Variants in LINGO1 observed in about 807,000 individuals in gnomAD.
LINGO1 encodes leucine-rich repeat and immunoglobulin-like domain-containing nogo receptor-interacting protein 1.
A neutral mutation model predicts 37.3 loss-of-function variants in LINGO1; 11 were observed. The ratio of observed to expected loss-of-function variants is 0.29; its 90% confidence interval spans 0.19 to 0.49. The LOEUF (loss-of-function observed/expected upper bound fraction) is 0.49. Among genes scored for constraint, LINGO1 ranks in the 20% least tolerant of loss-of-function variants. The pLI is 0.99. For synonymous variants in LINGO1, 387 were observed against 403.0 expected (o/e 0.96, Z 0.48); for missense variants, 585 against 878.2 (o/e 0.67, Z 4.22).
At chr15:77,817,343 C>T (rs1279430170) in intron 1 of LINGO1, among the ~76,000 whole-genome samples, 1 of 152,188 alleles carries the variant, frequency 6.6e-6, no homozygotes, top group Non-Finnish European at 1.5e-5. Context: ...TTTAGATCTC[C>T]ACGGGGCATC....
rs563717469 is a variant in LINGO1 at position 77,722,881 on chromosome 15, C to T, written c.-195+12111G>A. Among the ~76,000 whole-genome samples the T allele has an allele frequency of 4.8e-4, 73 of 152,146 alleles. 1 individual carries two copies. The highest frequency in any genetic ancestry group is 4.4e-4 in the Non-Finnish European group (30 of 68,034). ...CAGGGGTGCACTCTCCAGCCCCTCA[C>T]GCAGTAACCCGGGGAGGGCAGCAGC... On this transcript the variant is annotated intron_variant, in intron 2 of 3. Transcript: ENST00000561686.
intron 2 of LINGO1, among the ~76,000 whole-genome samples, chr15:77,713,951 A>G (rs941469457): frequency 3.3e-5 from 5 of 151,956 alleles, no homozygotes; most frequent in African/African-American, 7.3e-5. Context: ...TCCACCACCC[A>G]CGTCGCTTCC....
chr15:77,747,990 C>T (rs536987110), intron 1 of LINGO1, among the ~76,000 whole-genome samples: 10 of 152,342 alleles, frequency 6.6e-5, no homozygotes, highest in Non-Finnish European at 1.3e-4. Context: ...CCAAAGGGCG[C>T]ACAGCTGGTG....
At chr15:77,798,611 G>A (rs1454687082) in intron 1 of LINGO1, among the ~76,000 whole-genome samples, 1 of 152,206 alleles carries the variant, frequency 6.6e-6, no homozygotes, top group East Asian at 1.9e-4. Context: ...AGTGGGAGCC[G>A]GGCACTCTCC....
At chr15:77,646,389 A>AGACCTGCCTCCCAG in intron 3 of LINGO1, 1 of 450,788 alleles carries the variant, frequency 2.2e-6, no homozygotes, top group Non-Finnish European at 4.5e-6. Flanking sequence ...TCCCCACAGG[A>AGACCTGCCTCCCAG]CACCCCTCTG....
intron 2 of LINGO1, among the ~76,000 whole-genome samples, chr15:77,714,984 C>G (rs978520748): frequency 6.6e-6 from 1 of 152,242 alleles, no homozygotes; most frequent in African/African-American, 2.4e-5. Flanking sequence ...TGTTTAAATA[C>G]TCTGGAAACC....
intron 1 of LINGO1, among the ~76,000 whole-genome samples, chr15:77,625,042 G>T (rs1038540550): frequency 2.0e-4 from 31 of 152,294 alleles, no homozygotes; most frequent in African/African-American, 6.5e-4. Context: ...CCTTCCTGGG[G>T]CCCCCAGGGG....
At chr15:77,804,115 T>G (rs546496808) in intron 1 of LINGO1, among the ~76,000 whole-genome samples, 24 of 152,208 alleles carry the variant, frequency 1.6e-4, no homozygotes, top group African/African-American at 5.5e-4. Flanking sequence ...GAGGGAGGAC[T>G]ACAGAGGTCT....
At chr15:77,725,862 C>T (rs180752499) in intron 2 of LINGO1, among the ~76,000 whole-genome samples, 1 of 152,336 alleles carries the variant, frequency 6.6e-6, no homozygotes, top group Non-Finnish European at 1.5e-5. Context: ...ATGGCTCCAG[C>T]ATAGCACGCC....
At chr15:77,646,024 T>C (rs866363153) in intron 3 of LINGO1, among the ~76,000 whole-genome samples, 2 of 152,260 alleles carry the variant, frequency 1.3e-5, no homozygotes, top group Middle Eastern at 3.4e-3. Context: ...GCAGGGATGG[T>C]GTCTGCCTCA....
chr15:77,676,638 C>T (rs1034684671), intron 3 of LINGO1, among the ~76,000 whole-genome samples: 1 of 152,146 alleles, frequency 6.6e-6, no homozygotes, highest in Non-Finnish European at 1.5e-5. Flanking sequence ...AGAATTAGCA[C>T]CATCAGGCAC....
At chr15:77,694,581 G>A (rs948309493) in intron 1 of LINGO1, among the ~76,000 whole-genome samples, 2 of 152,142 alleles carry the variant, frequency 1.3e-5, no homozygotes, top group African/African-American at 4.8e-5. Flanking sequence ...TTTGCCCTCT[G>A]CCCCAAAACT....
chr15:77,619,937 G>A (rs1346256566), intron 1 of LINGO1, among the ~76,000 whole-genome samples: 2 of 152,098 alleles, frequency 1.3e-5, no homozygotes, highest in African/African-American at 4.8e-5. Flanking sequence ...GGAAGCTGAA[G>A]GTTGAGAGAG....
chr15:77,618,124 G>A (rs1595984460), intron 1 of LINGO1, among the ~76,000 whole-genome samples: 1 of 152,230 alleles, frequency 6.6e-6, no homozygotes, highest in African/African-American at 2.4e-5. Flanking sequence ...GACCTCAATA[G>A]GTAAATAGGA....
intron 1 of LINGO1, among the ~76,000 whole-genome samples, chr15:77,626,763 C>T (rs566529669): frequency 3.9e-4 from 60 of 152,322 alleles, no homozygotes; most frequent in African/African-American, 9.9e-4. Context: ...AGACATTAGA[C>T]GGCTCAGGAC....
intron 1 of LINGO1, among the ~76,000 whole-genome samples, chr15:77,806,072 G>A (rs527268336): frequency 6.6e-5 from 10 of 152,226 alleles, no homozygotes; most frequent in East Asian, 3.9e-4. Flanking sequence ...AGTCCATCCC[G>A]GAGAAATCAG....
At chr15:77,799,453 C>T (rs1159958904) in intron 1 of LINGO1, among the ~76,000 whole-genome samples, 2 of 152,196 alleles carry the variant, frequency 1.3e-5, no homozygotes, top group Admixed American at 1.3e-4. Flanking sequence ...CTGGGGCCCA[C>T]ACCTCCAGGA....
intron 3 of LINGO1, among the ~76,000 whole-genome samples, chr15:77,643,451 G>T (rs1450328363): frequency 6.6e-6 from 1 of 152,214 alleles, no homozygotes; most frequent in Non-Finnish European, 1.5e-5. Flanking sequence ...CAATGGTCCG[G>T]TTACAGGGAG....
chr15:77,655,973 C>T (rs1433274091), intron 3 of LINGO1, among the ~76,000 whole-genome samples: 2 of 152,240 alleles, frequency 1.3e-5, no homozygotes, highest in Non-Finnish European at 2.9e-5. Context: ...AGGAAGTCTG[C>T]TGTGGACTCA....
Sources: allele counts gnomAD v4.1 joint callset (sites outside exome capture counted in the v4.1 genomes callset), GRCh38; gene constraint gnomAD v4.1.1; transcripts MANE v1.5; gene names NCBI Gene and HGNC (gene_info 2026-07-23, HGNC 2026-07-21).